The following MACROD1 variants were observed in gnomAD, a reference collection of about 807,000 sequenced individuals.
MACROD1 encodes mono-ADP ribosylhydrolase 1.
A neutral mutation model predicts 41.4 loss-of-function variants in MACROD1; 31 were observed. That is an observed-to-expected ratio of 0.75 (90% CI 0.56 to 1.01). The LOEUF (loss-of-function observed/expected upper bound fraction) is 1.01. Among genes scored for constraint, MACROD1 ranks in the 50% least tolerant of loss-of-function variants. MACROD1 has a pLI of 0.00. For missense variants in MACROD1, 473 were observed against 460.0 expected, an observed-to-expected ratio of 1.03 and a Z score of -0.26; for synonymous variants, 252 against 203.4, an observed-to-expected ratio of 1.24 and a Z score of -2.03.
In MACROD1 at chr11:64,165,678, C is replaced by G; in HGVS notation, c.298+19G>C. 7.1e-7 allele frequency: 1 copy of G among 1,400,834 alleles called. No individual in the cohort carries two copies. The highest frequency in any genetic ancestry group is 9.3e-7 in the Non-Finnish European group (1 of 1,071,496). The allele number at this position is 1,400,834 out of a possible 1,614,324, so 86.8% of individuals were successfully genotyped here. Reference sequence around the variant, plus strand: ...GTGAGGCCGCCCTCTCCCTCGCGCCCCCTCGTGCTTACACTTACATTTCGC... The same window carrying G: ...GTGAGGCCGCCCTCTCCCTCGCGCCGCCTCGTGCTTACACTTACATTTCGC... On this transcript the variant is annotated intron_variant, in intron 1 of 10. Coordinates refer to ENST00000255681, the MANE Select transcript of MACROD1 (RefSeq NM_014067.4).
intron 3 of MACROD1, among the ~76,000 whole-genome samples, chr11:64,108,139 T>C (rs1000468045): frequency 6.6e-6 from 1 of 151,712 alleles, no homozygotes; most frequent in Admixed American, 6.6e-5. Flanking sequence ...CATGGAGAAA[T>C]CCCGTCTCTA....
chr11:64,113,486 ATGGATGGATGGT>A (rs1944899369), intron 3 of MACROD1, among the ~76,000 whole-genome samples: 2 of 149,124 alleles, frequency 1.3e-5, no homozygotes, highest in South Asian at 2.1e-4. Context: ...ATATGGATGG[ATGGATGGATGGT>A]TGGATGGATG....
At chr11:64,070,139 CTG>C (rs984640321) in intron 3 of MACROD1, among the ~76,000 whole-genome samples, 1 of 152,170 alleles carries the variant, frequency 6.6e-6, no homozygotes, top group African/African-American at 2.4e-5. Context: ...GATGTGGAAA[CTG>C]AGGCCCGGAG....
chr11:64,139,306 C>G (rs978656988), intron 3 of MACROD1, among the ~76,000 whole-genome samples: 28 of 152,242 alleles, frequency 1.8e-4, no homozygotes, highest in Admixed American at 6.5e-5. Context: ...CAGCCGCGTC[C>G]CTGCCCCTGC....
chr11:64,021,095 G>A (rs947116998), intron 3 of MACROD1, among the ~76,000 whole-genome samples: 3 of 152,250 alleles, frequency 2.0e-5, no homozygotes, highest in African/African-American at 4.8e-5. Flanking sequence ...TCAGCACAGC[G>A]CCTGGCTCAC....
intron 3 of MACROD1, among the ~76,000 whole-genome samples, chr11:64,140,895 G>A (rs905688904): frequency 6.6e-6 from 1 of 152,206 alleles, no homozygotes; most frequent in African/African-American, 2.4e-5. Flanking sequence ...AGCACTTTGG[G>A]AGGCCTAGGC....
intron 6 of MACROD1, 39 bp from the exon 7 acceptor site, chr11:63,999,599 A>C: frequency 6.2e-7 from 1 of 1,609,590 alleles, no homozygotes; most frequent in Non-Finnish European, 8.5e-7. Flanking sequence ...GAACATTGTC[A>C]CTGCGCCCCG....
chr11:64,086,235 A>G (rs1254357014), intron 3 of MACROD1, among the ~76,000 whole-genome samples: 2 of 152,166 alleles, frequency 1.3e-5, no homozygotes, highest in Admixed American at 6.5e-5. Context: ...ACCCTGCCCC[A>G]GGTCTTGCAT....
chr11:64,101,789 A>G (rs1018225703), intron 3 of MACROD1, among the ~76,000 whole-genome samples: 7 of 151,986 alleles, frequency 4.6e-5, no homozygotes, highest in Admixed American at 3.3e-4. Context: ...TGTAGTATTC[A>G]CCAGGCACTG....
intron 3 of MACROD1, among the ~76,000 whole-genome samples, chr11:64,134,197 C>A (rs947838295): frequency 6.6e-6 from 1 of 152,166 alleles, no homozygotes; most frequent in African/African-American, 2.4e-5. Flanking sequence ...CCAGGGGATT[C>A]CAAAGAAGCC....
At chr11:64,039,593 A>C (rs1480015769) in intron 3 of MACROD1, among the ~76,000 whole-genome samples, 1 of 151,668 alleles carries the variant, frequency 6.6e-6, no homozygotes, top group Non-Finnish European at 1.5e-5. Context: ...AAAGGACAGC[A>C]CCCCTGTTTT....
At chr11:64,089,167 C>T (rs1322503651) in intron 3 of MACROD1, among the ~76,000 whole-genome samples, 2 of 152,166 alleles carry the variant, frequency 1.3e-5, no homozygotes, top group African/African-American at 2.4e-5. Flanking sequence ...AGGCACAGGG[C>T]GGGTCGGGGA....
intron 3 of MACROD1, among the ~76,000 whole-genome samples, chr11:64,020,674 T>C (rs1206442930): frequency 1.3e-5 from 2 of 151,930 alleles, no homozygotes; most frequent in African/African-American, 2.4e-5. Context: ...GATGCTCTCC[T>C]GGGGGGGCCA....
chr11:64,127,306 C>T (rs1460912380), intron 3 of MACROD1, among the ~76,000 whole-genome samples: 1 of 152,266 alleles, frequency 6.6e-6, no homozygotes, highest in African/African-American at 2.4e-5. Context: ...TCTCTTGCTG[C>T]TGACTCTCGG....
intron 4 of MACROD1, among the ~76,000 whole-genome samples, chr11:64,002,264 A>AGGCGACCTCGGCCAGCTGTGG (rs1942838591): frequency 1.3e-5 from 2 of 152,198 alleles, no homozygotes; most frequent in Admixed American, 1.3e-4. Flanking sequence ...ACCGCCCTGC[A>AGGCGACCTCGGCCAGCTGTGG]GGCGACCTCG....
At chr11:64,013,576 G>A (rs1406456100) in intron 4 of MACROD1, among the ~76,000 whole-genome samples, 1 of 152,198 alleles carries the variant, frequency 6.6e-6, no homozygotes, top group Non-Finnish European at 1.5e-5. Flanking sequence ...AAGGAACTTG[G>A]CCTAGGCCCT....
chr11:64,070,501 G>A (rs1264011916), intron 3 of MACROD1, among the ~76,000 whole-genome samples: 19 of 152,224 alleles, frequency 1.2e-4, no homozygotes, highest in Non-Finnish European at 1.5e-5. Context: ...CCTCCTTGCA[G>A]GAATGCAGGC....
intron 3 of MACROD1, among the ~76,000 whole-genome samples, chr11:64,149,380 C>T (rs1271017754): frequency 3.3e-5 from 5 of 152,158 alleles, no homozygotes; most frequent in Admixed American, 1.3e-4. Context: ...CACAGAGAAA[C>T]TCAGCCAGCA....
intron 3 of MACROD1, among the ~76,000 whole-genome samples, chr11:64,133,941 A>G (rs888187814): frequency 6.6e-6 from 1 of 152,244 alleles, no homozygotes; most frequent in African/African-American, 2.4e-5. Context: ...GGACGGTCGG[A>G]GTCAGCCAAG....
Sources: allele counts gnomAD v4.1 joint callset (sites outside exome capture counted in the v4.1 genomes callset), GRCh38; gene constraint gnomAD v4.1.1; transcripts MANE v1.5; gene names NCBI Gene and HGNC (gene_info 2026-07-23, HGNC 2026-07-21).